KCNG3: variants seen among roughly 807,000 people sequenced by gnomAD.
The protein encoded by KCNG3 is potassium voltage-gated channel modifier subfamily G member 3, also known as voltage-gated potassium channel regulatory subunit KCNG3.
In KCNG3, 15 loss-of-function variants were observed where a neutral mutation model predicts 29.0. The ratio of observed to expected loss-of-function variants is 0.52; its 90% CI spans 0.35 to 0.80. The LOEUF (loss-of-function observed/expected upper bound fraction) is 0.80. Among genes scored for constraint, KCNG3 ranks in the 30% least tolerant of loss-of-function variants. The pLI is 0.01. For missense variants in KCNG3, 512 were observed against 605.7 expected (o/e 0.85, Z 1.62); for synonymous variants, 322 against 248.9 (o/e 1.29, Z -2.76).
chr2:42,449,810 G>C (rs539026156), intron 1 of KCNG3, among the ~76,000 whole-genome samples: 84 of 152,292 alleles, frequency 5.5e-4, no homozygotes, highest in Non-Finnish European at 1.1e-3. Context: ...GTAGGTAGTA[G>C]TAAGATGTGC....
At chr2:42,398,149 G>A in the KCNG3 span, among the ~76,000 whole-genome samples, 2 of 152,026 alleles carry the variant, frequency 1.3e-5, no homozygotes, top group African/African-American at 4.8e-5. Context: ...CGTGATCCCA[G>A]GAGGCGGAGC....
chr2:42,443,937 A>C lies in KCNG3; in HGVS notation c.1308T>G (p.Asn436Lys). 1 of 1,601,400 alleles carries C rather than the reference A, an allele frequency of 6.2e-7. No individual in the cohort carries two copies. The highest frequency in any genetic ancestry group is 1.1e-5 in the South Asian group (1 of 88,992). The change falls in exon 2 of 2, where the codon AAT becomes AAG. Residue 436 changes from asparagine to lysine, a missense_variant. Around this residue, in one of 5 missense-constraint regions of KCNG3, gnomAD observed 173 missense variants for 262.4 expected, o/e 0.66. Coordinates refer to ENST00000306078, the MANE Select transcript of KCNG3 (RefSeq NM_133329.6). ...YSRSLSTEFLN is the reference protein window; with the variant it reads ...YSRSLSTEFLK Reference sequence around the variant, plus strand: ...GCAAGAATTGATTTGCAATGCATTAATTCAGGAATTCAGTGGAGAGGCTCC... The same window carrying C: ...GCAAGAATTGATTTGCAATGCATTACTTCAGGAATTCAGTGGAGAGGCTCC...
At chr2:42,432,955 A>C in the KCNG3 span, among the ~76,000 whole-genome samples, 2 of 147,278 alleles carry the variant, frequency 1.4e-5, no homozygotes, top group African/African-American at 5.0e-5. Context: ...AAAACAAAAA[A>C]ACAAAAAAAA....
the KCNG3 span, among the ~76,000 whole-genome samples, chr2:42,395,473 C>T: frequency 3.9e-5 from 6 of 151,964 alleles, no homozygotes; most frequent in Admixed American, 6.6e-5. Flanking sequence ...ACTACAGGTG[C>T]GCAGGAGGAG....
the KCNG3 span, among the ~76,000 whole-genome samples, chr2:42,406,443 T>A: frequency 6.6e-6 from 1 of 151,090 alleles, no homozygotes; most frequent in African/African-American, 2.4e-5. Context: ...GGTCTTGAAC[T>A]CCTGACCTCA....
At chr2:42,412,783 T>A in the KCNG3 span, among the ~76,000 whole-genome samples, 3 of 152,288 alleles carry the variant, frequency 2.0e-5, no homozygotes, top group South Asian at 6.2e-4. Context: ...TTCACATGGT[T>A]CAAAATTTAA....
the KCNG3 span, among the ~76,000 whole-genome samples, chr2:42,435,193 C>A: frequency 6.6e-6 from 1 of 152,194 alleles, no homozygotes; most frequent in Admixed American, 6.5e-5. Context: ...ATCCCAGCTA[C>A]TCAGGAGGCT....
the KCNG3 span, among the ~76,000 whole-genome samples, chr2:42,403,478 T>G: frequency 6.9e-5 from 4 of 58,034 alleles, no homozygotes; most frequent in African/African-American, 1.3e-4. Flanking sequence ...TTCTTTTCTG[T>G]TTTTTTTTTT....
At chr2:42,445,698 T>C (rs1479936984) in intron 1 of KCNG3, among the ~76,000 whole-genome samples, 1 of 151,906 alleles carries the variant, frequency 6.6e-6, no homozygotes, top group Non-Finnish European at 1.5e-5. Flanking sequence ...AATAATCGCA[T>C]TTATACAGCA....
At chr2:42,491,966 T>C (rs1673889170) in intron 1 of KCNG3, among the ~76,000 whole-genome samples, 1 of 152,216 alleles carries the variant, frequency 6.6e-6, no homozygotes, top group African/African-American at 2.4e-5. Context: ...CCATCCTTAG[T>C]CTGCTTATTC....
chr2:42,445,114 A>T (rs1672567967), intron 1 of KCNG3, among the ~76,000 whole-genome samples: 1 of 151,202 alleles, frequency 6.6e-6, no homozygotes, highest in Middle Eastern at 3.5e-3. Flanking sequence ...TAAAGTTCTT[A>T]CTTCTATGCT....
the KCNG3 span, among the ~76,000 whole-genome samples, chr2:42,415,922 C>T: frequency 6.6e-6 from 1 of 152,140 alleles, no homozygotes; most frequent in South Asian, 2.1e-4. Flanking sequence ...AGGCCGGGCG[C>T]AGTGGCTCAT....
At chr2:42,461,522 G>A (rs1673017490) in intron 1 of KCNG3, among the ~76,000 whole-genome samples, 2 of 152,220 alleles carry the variant, frequency 1.3e-5, no homozygotes, top group South Asian at 4.1e-4. Flanking sequence ...AAAATCTGTG[G>A]TTCTGACTCT....
At chr2:42,427,969 C>T in the KCNG3 span, among the ~76,000 whole-genome samples, 4 of 152,056 alleles carry the variant, frequency 2.6e-5, no homozygotes, top group Admixed American at 6.6e-5. Flanking sequence ...TAATTAACTA[C>T]TACAAAAAGT....
the KCNG3 span, chr2:42,413,711 G>C: frequency 6.5e-6 from 1 of 152,708 alleles, no homozygotes; most frequent in Non-Finnish European, 1.5e-5. Context: ...TTATGCAGAA[G>C]GGGAAGCAAA....
the KCNG3 span, among the ~76,000 whole-genome samples, chr2:42,389,855 C>T: frequency 6.6e-6 from 1 of 152,312 alleles, no homozygotes; most frequent in African/African-American, 2.4e-5. Context: ...TTATCAACTG[C>T]AAGAAAGTCC....
In KCNG3 at chr2:42,462,225, G is replaced by C. The variant is rs549859132; in HGVS notation, c.666-17646C>G. Among the ~76,000 whole-genome samples the C allele has an allele frequency of 1.3e-3, 200 of 152,314 alleles. 1 individual carries two copies. Among genetic ancestry groups the C allele is most frequent in the African/African-American group, 4.7e-3 (195 of 41,576 alleles). On this transcript the variant is annotated intron_variant, in intron 1 of 1. Transcript: ENST00000306078. ...CTCCTGGAAGCTATTTCATACTCTA[G>C]TGCAAGGGCAAAAAAGCACAACAAG...
At chr2:42,395,727 G>C in the KCNG3 span, among the ~76,000 whole-genome samples, 44 of 152,134 alleles carry the variant, frequency 2.9e-4, no homozygotes, top group Admixed American at 6.5e-4. Flanking sequence ...ACTGAGGTTG[G>C]AGGATTCTTT....
chr2:42,460,012 A>T (rs1672976731), intron 1 of KCNG3, among the ~76,000 whole-genome samples: 1 of 151,330 alleles, frequency 6.6e-6, no homozygotes, highest in East Asian at 2.0e-4. Flanking sequence ...CATTGGGGAA[A>T]CCAGATGAAG....
Sources: allele counts gnomAD v4.1 joint callset (sites outside exome capture counted in the v4.1 genomes callset), GRCh38; gene constraint gnomAD v4.1.1; regional missense constraint gnomAD v4.1.1; transcripts MANE v1.5; gene names NCBI Gene and HGNC (gene_info 2026-07-23, HGNC 2026-07-21).